AKAP6: variants seen among roughly 807,000 people sequenced by gnomAD.
AKAP6 encodes the protein A-kinase anchor protein 6.
A neutral mutation model predicts 188.5 loss-of-function variants in AKAP6; 58 were observed. The observed-to-expected ratio is 0.31, with a 90% CI of 0.25 to 0.38. AKAP6 has a LOEUF of 0.38. AKAP6 is among the 10% of genes least tolerant of loss of function. AKAP6 has a pLI of 1.00. For missense variants in AKAP6, 2,710 were observed against 2,740.0 expected (o/e 0.99, Z 0.24); for synonymous variants, 989 against 998.6 (o/e 0.99, Z 0.18).
chr14:32,646,489 G>A (rs183080478), intron 7 of AKAP6, among the ~76,000 whole-genome samples: 2 of 152,168 alleles, frequency 1.3e-5, no homozygotes, highest in Non-Finnish European at 2.9e-5. Context: ...CGTTATATCA[G>A]AAAATTCAAA....
At chr14:32,745,691 A>G (rs1025453879) in intron 11 of AKAP6, among the ~76,000 whole-genome samples, 2 of 152,124 alleles carry the variant, frequency 1.3e-5, no homozygotes, top group Non-Finnish European at 1.5e-5. Context: ...TGTTTACTCA[A>G]GGCCCTGGGG....
chr14:32,755,121 A>G (rs1159395747), intron 11 of AKAP6, among the ~76,000 whole-genome samples: 1 of 152,122 alleles, frequency 6.6e-6, no homozygotes, highest in East Asian at 1.9e-4. Flanking sequence ...TTATTCTGAG[A>G]CTTTCATATG....
At chr14:32,537,764 T>C (rs1294854324) in intron 3 of AKAP6, among the ~76,000 whole-genome samples, 2 of 152,244 alleles carry the variant, frequency 1.3e-5, no homozygotes, top group African/African-American at 4.8e-5. Context: ...CTAGGGTTTG[T>C]TGTTATTATT....
intron 2 of AKAP6, among the ~76,000 whole-genome samples, chr14:32,493,945 A>G (rs748665931): frequency 1.3e-5 from 2 of 152,114 alleles, no homozygotes; most frequent in Admixed American, 6.6e-5. Flanking sequence ...TCATTAAGCC[A>G]GGCAAGGAGA....
At chr14:32,434,036 T>C in intron 2 of AKAP6, 1 of 523,944 alleles carries the variant, frequency 1.9e-6, no homozygotes, top group Non-Finnish European at 3.4e-6. Flanking sequence ...CCTTTGGTGA[T>C]AGTGCAGAGA....
At chr14:32,604,499 A>G (rs12050460) in intron 7 of AKAP6, among the ~76,000 whole-genome samples, 13,470 of 152,238 alleles carry the variant, frequency 0.088, 1,254 homozygotes, top group East Asian at 0.52. Flanking sequence ...CAGAATGCTC[A>G]TGCTTTCTAT....
intron 8 of AKAP6, among the ~76,000 whole-genome samples, chr14:32,678,830 A>G (rs1207088597): frequency 6.6e-6 from 1 of 152,178 alleles, no homozygotes; most frequent in Non-Finnish European, 1.5e-5. Flanking sequence ...GGACTTTTAA[A>G]CACCAGAACC....
chr14:32,561,153 T>C (rs1883940180), intron 4 of AKAP6, among the ~76,000 whole-genome samples: 1 of 152,210 alleles, frequency 6.6e-6, no homozygotes, highest in East Asian at 1.9e-4. Context: ...AATGAGATGT[T>C]AATTATGTTT....
At chr14:32,541,312 T>C (rs115197155) in intron 3 of AKAP6, among the ~76,000 whole-genome samples, 11,660 of 125,944 alleles carry the variant, frequency 0.093, 603 homozygotes, top group African/African-American at 0.18. Flanking sequence ...ATGTATTCAG[T>C]AAACAATATA....
intron 2 of AKAP6, among the ~76,000 whole-genome samples, chr14:32,476,976 A>G (rs552402003): frequency 1.3e-5 from 2 of 152,294 alleles, no homozygotes; most frequent in Non-Finnish European, 2.9e-5. Context: ...GATAGATTCA[A>G]AGGTTTCCTG....
chr14:32,510,444 A>G (rs1881174222), intron 2 of AKAP6, among the ~76,000 whole-genome samples: 2 of 22,528 alleles, frequency 8.9e-5, no homozygotes, highest in African/African-American at 2.0e-4. Context: ...ATGTGTATAT[A>G]TATATACATA....
chr14:32,505,795 G>A (rs995012858), intron 2 of AKAP6, among the ~76,000 whole-genome samples: 1 of 152,118 alleles, frequency 6.6e-6, no homozygotes, highest in African/African-American at 2.4e-5. Flanking sequence ...CTGATAATAT[G>A]CACAGTAGTT....
At chr14:32,698,592 T>C (rs1300399192) in intron 9 of AKAP6, among the ~76,000 whole-genome samples, 1 of 152,120 alleles carries the variant, frequency 6.6e-6, no homozygotes, top group Non-Finnish European at 1.5e-5. Flanking sequence ...TTACTCTTCA[T>C]GTTCCCCACT....
intron 2 of AKAP6, among the ~76,000 whole-genome samples, chr14:32,468,163 G>C (rs879526151): frequency 5.2e-5 from 5 of 95,280 alleles, no homozygotes; most frequent in Admixed American, 9.6e-5. Context: ...AGAAAAACTT[G>C]TGATTTTTCT....
At chr14:32,724,489 G>A (rs970657788) in intron 9 of AKAP6, among the ~76,000 whole-genome samples, 20 of 152,174 alleles carry the variant, frequency 1.3e-4, no homozygotes, top group Non-Finnish European at 2.5e-4. Context: ...TATGTTCTTA[G>A]CAATTTAATT....
At chr14:32,398,460 A>G (rs1888950454) in intron 1 of AKAP6, among the ~76,000 whole-genome samples, 1 of 152,230 alleles carries the variant, frequency 6.6e-6, no homozygotes, top group African/African-American at 2.4e-5. Context: ...GCAGAGAGGA[A>G]TCTACAGGAG....
At chr14:32,772,295 C>G (rs1335823364) in intron 11 of AKAP6, among the ~76,000 whole-genome samples, 2 of 152,082 alleles carry the variant, frequency 1.3e-5, no homozygotes, top group East Asian at 1.9e-4. Flanking sequence ...TATATCAGGA[C>G]TTATATAGGA....
At chr14:32,519,457 A>AT (rs1401191789) in intron 2 of AKAP6, among the ~76,000 whole-genome samples, 1 of 152,176 alleles carries the variant, frequency 6.6e-6, no homozygotes, top group Non-Finnish European at 1.5e-5. Context: ...CCCATCTCAC[A>AT]TGCAGAGACA....
intron 2 of AKAP6, among the ~76,000 whole-genome samples, chr14:32,434,858 T>G (rs1225347881): frequency 6.6e-6 from 1 of 152,092 alleles, no homozygotes. Flanking sequence ...TTACAGAAAG[T>G]GTTCAAATGA....
Sources: gnomAD v4.1 joint callset for allele counts (sites outside exome capture counted in the v4.1 genomes callset) on GRCh38, gnomAD v4.1.1 for gene constraint, MANE v1.5 for transcripts, NCBI Gene and HGNC (gene_info 2026-07-23, HGNC 2026-07-21) for gene names.